Variants in GALNT13 observed in about 807,000 individuals in gnomAD.
GALNT13 encodes the protein polypeptide N-acetylgalactosaminyltransferase 13.
A neutral mutation model predicts 64.2 loss-of-function variants in GALNT13; 28 were observed. The observed-to-expected ratio is 0.44, with a 90% CI of 0.32 to 0.60. The LOEUF is 0.60. GALNT13 is among the 20% of genes least tolerant of loss of function. GALNT13 has a pLI of 0.05. For synonymous variants in GALNT13, 214 were observed against 224.6 expected, an observed-to-expected ratio of 0.95 and a Z score of 0.42; for missense variants, 577 against 669.8, an observed-to-expected ratio of 0.86 and a Z score of 1.53.
intron 3 of GALNT13, among the ~76,000 whole-genome samples, chr2:153,973,780 T>C (rs749627564): frequency 1.3e-5 from 2 of 151,980 alleles, no homozygotes; most frequent in Non-Finnish European, 2.9e-5. Context: ...TCTTTGAAGA[T>C]ATTTAAGTAA....
At chr2:153,205,245 G>A in the GALNT13 span, among the ~76,000 whole-genome samples, 1 of 150,594 alleles carries the variant, frequency 6.6e-6, no homozygotes. Context: ...AACCAAGGGA[G>A]TGAAGTTATT....
the GALNT13 span, among the ~76,000 whole-genome samples, chr2:153,409,531 A>C: frequency 3.3e-5 from 5 of 151,816 alleles, no homozygotes; most frequent in Non-Finnish European, 7.4e-5. Flanking sequence ...AGAAAACACG[A>C]AAAGTAAAAG....
Position 154,396,005 on chromosome 2 carries a change from G to A in GALNT13, c.1171G>A (p.Asp391Asn), listed in dbSNP as rs772501567. ...AAAAATTCCAGGTGTTGTCAAAGTG[G>A]ATTATGGAGATGTGTCAGTCAGAAA... Reference protein sequence around the residue: ...YIISPGVVKVDYGDVSVRKTL... With the variant: ...YIISPGVVKVNYGDVSVRKTL... Residue 391 changes from aspartate to asparagine, a missense_variant, in exon 10 of 13, where the codon GAT becomes AAT. By Grantham distance (23) the Asp-to-Asn change is conservative. Transcript: ENST00000392825. 1.9e-6 allele frequency: 3 copies of A among 1,604,652 alleles called. No individual in the cohort carries two copies. Among genetic ancestry groups the A allele is most frequent in the East Asian group, 2.3e-5 (1 of 44,378 alleles).
chr2:153,389,164 T>C, the GALNT13 span, among the ~76,000 whole-genome samples: 1 of 152,104 alleles, frequency 6.6e-6, no homozygotes, highest in Admixed American at 6.6e-5. Context: ...CACATAAAAC[T>C]GACTGAGGCT....
At chr2:153,184,417 C>A in the GALNT13 span, among the ~76,000 whole-genome samples, 1 of 152,140 alleles carries the variant, frequency 6.6e-6, no homozygotes, top group African/African-American at 2.4e-5. Context: ...CATCTGCAAA[C>A]AAAGATAATT....
the GALNT13 span, among the ~76,000 whole-genome samples, chr2:153,597,732 C>A: frequency 2.0e-5 from 3 of 152,090 alleles, no homozygotes; most frequent in East Asian, 5.8e-4. Flanking sequence ...ATATGATAAG[C>A]ACCTTGTATC....
the GALNT13 span, among the ~76,000 whole-genome samples, chr2:153,744,532 T>C: frequency 9.8e-4 from 150 of 152,304 alleles, 1 homozygote; most frequent in African/African-American, 3.5e-3. Flanking sequence ...TTATTAGATT[T>C]ACACCTACAG....
At chr2:154,131,609 T>C (rs1682621786) in intron 3 of GALNT13, among the ~76,000 whole-genome samples, 1 of 152,232 alleles carries the variant, frequency 6.6e-6, no homozygotes, top group Admixed American at 6.5e-5. Flanking sequence ...AGCCAGGTTA[T>C]ATTCATTTTC....
chr2:153,223,432 A>C, the GALNT13 span, among the ~76,000 whole-genome samples: 2 of 152,198 alleles, frequency 1.3e-5, no homozygotes, highest in African/African-American at 2.4e-5. Context: ...TGTGCTATAA[A>C]ATACATTATA....
At chr2:153,533,121 T>C in the GALNT13 span, among the ~76,000 whole-genome samples, 6 of 152,186 alleles carry the variant, frequency 3.9e-5, no homozygotes, top group African/African-American at 1.2e-4. Flanking sequence ...AAAGGTAAAA[T>C]TTTTTTCCTT....
chr2:153,219,367 A>C, the GALNT13 span, among the ~76,000 whole-genome samples: 1 of 152,240 alleles, frequency 6.6e-6, no homozygotes, highest in Non-Finnish European at 1.5e-5. Flanking sequence ...TGAAGTCTAG[A>C]CTATTTTTCT....
At chr2:154,302,855 C>A (rs936148593) in intron 9 of GALNT13, among the ~76,000 whole-genome samples, 5 of 152,082 alleles carry the variant, frequency 3.3e-5, no homozygotes, top group Admixed American at 1.3e-4. Flanking sequence ...CAATAGTTGG[C>A]AAGTGTTTCC....
intron 9 of GALNT13, among the ~76,000 whole-genome samples, chr2:154,366,954 G>C (rs1697398178): frequency 6.6e-6 from 1 of 152,140 alleles, no homozygotes; most frequent in Non-Finnish European, 1.5e-5. Context: ...TGAATGATAT[G>C]TAAAGGAAGA....
At chr2:153,126,329 TATATATATATATATA>T in the GALNT13 span, among the ~76,000 whole-genome samples, 1 of 109,936 alleles carries the variant, frequency 9.1e-6, no homozygotes, top group African/African-American at 3.5e-5. Flanking sequence ...TATATATATA[TATATATATATATATA>T]TATGATATTA....
chr2:154,229,781 T>C (rs1035515659), intron 4 of GALNT13, among the ~76,000 whole-genome samples: 1 of 152,054 alleles, frequency 6.6e-6, no homozygotes, highest in South Asian at 2.1e-4. Context: ...GAAACATTGA[T>C]ATGTTCAACA....
At chr2:153,695,659 C>A in the GALNT13 span, among the ~76,000 whole-genome samples, 1 of 151,984 alleles carries the variant, frequency 6.6e-6, no homozygotes, top group African/African-American at 2.4e-5. Flanking sequence ...GTATTCTCTC[C>A]CTAACATTTT....
intron 9 of GALNT13, among the ~76,000 whole-genome samples, chr2:154,394,576 TG>T (rs1248155790): frequency 1.3e-5 from 2 of 152,226 alleles, no homozygotes; most frequent in African/African-American, 4.8e-5. Context: ...TCTCTTTATA[TG>T]ATTTTGAGGA....
chr2:153,766,850 T>G, the GALNT13 span, among the ~76,000 whole-genome samples: 2 of 152,122 alleles, frequency 1.3e-5, no homozygotes, highest in Non-Finnish European at 2.9e-5. Context: ...ATTCTTTGTC[T>G]GCCACTTCAT....
chr2:154,214,369 C>T (rs76246333), intron 4 of GALNT13, among the ~76,000 whole-genome samples: 1 of 152,188 alleles, frequency 6.6e-6, no homozygotes, highest in Non-Finnish European at 1.5e-5. Flanking sequence ...TCCACCTTTG[C>T]TTGTTGTACT....
Sources: allele counts gnomAD v4.1 joint callset (sites outside exome capture counted in the v4.1 genomes callset), GRCh38; gene constraint gnomAD v4.1.1; transcripts MANE v1.5; gene names NCBI Gene and HGNC (gene_info 2026-07-23, HGNC 2026-07-21).